Variants in BNC2 observed in about 807,000 individuals in gnomAD.
BNC2 encodes basonuclin zinc finger protein 2.
In BNC2, 20 loss-of-function variants were observed where a neutral mutation model predicts 76.3. That is an observed-to-expected ratio of 0.26 (90% CI 0.18 to 0.38). BNC2 has a LOEUF of 0.38. Among genes scored for constraint, BNC2 ranks in the 10% least tolerant of loss-of-function variants. The probability of loss-of-function intolerance (pLI) is 1.00; values close to 1 mark genes in which losing one functional copy is unlikely to be tolerated. For missense variants in BNC2, 1,382 were observed against 1,399.8 expected (o/e 0.99, Z 0.20); for synonymous variants, 582 against 514.8 (o/e 1.13, Z -1.77).
chr9:16,498,438 T>C (rs1822446236), intron 5 of BNC2, among the ~76,000 whole-genome samples: 2 of 150,932 alleles, frequency 1.3e-5, no homozygotes, highest in South Asian at 4.2e-4. Context: ...ACACCGTATG[T>C]ACTCACTGAT....
At chr9:16,442,704 C>A (rs1275782909) in intron 5 of BNC2, among the ~76,000 whole-genome samples, 1 of 152,112 alleles carries the variant, frequency 6.6e-6, no homozygotes, top group Non-Finnish European at 1.5e-5. Context: ...ACTCACATCA[C>A]AGCATACAGG....
At chr9:16,650,527 G>A (rs1021878385) in intron 3 of BNC2, among the ~76,000 whole-genome samples, 4 of 152,010 alleles carry the variant, frequency 2.6e-5, no homozygotes, top group African/African-American at 9.7e-5. Flanking sequence ...TGTTTTCACA[G>A]TAGAAAAGAT....
At chr9:16,479,413 C>G (rs1238653634) in intron 5 of BNC2, among the ~76,000 whole-genome samples, 2 of 152,082 alleles carry the variant, frequency 1.3e-5, no homozygotes, top group South Asian at 4.1e-4. Context: ...AATACAGCAC[C>G]TAGCAAAAGT....
intron 3 of BNC2, among the ~76,000 whole-genome samples, chr9:16,707,218 AACAGCAATAG>A (rs1301574985): frequency 3.3e-5 from 5 of 150,008 alleles, no homozygotes; most frequent in Admixed American, 2.0e-4. Flanking sequence ...AAAAAAAAAC[AACAGCAATAG>A]ACATTTGATT....
chr9:16,528,506 A>G (rs1817880040), intron 5 of BNC2, among the ~76,000 whole-genome samples: 1 of 152,220 alleles, frequency 6.6e-6, no homozygotes, highest in Non-Finnish European at 1.5e-5. Context: ...TTCTATAGTT[A>G]TCTACTTTGT....
intron 1 of BNC2, among the ~76,000 whole-genome samples, chr9:16,862,215 T>A (rs1445425570): frequency 6.6e-6 from 1 of 152,164 alleles, no homozygotes; most frequent in East Asian, 1.9e-4. Context: ...AACTTGTACA[T>A]GAATGTTCAG....
At chr9:16,614,153 T>C (rs1025989692) in intron 3 of BNC2, among the ~76,000 whole-genome samples, 1 of 152,208 alleles carries the variant, frequency 6.6e-6, no homozygotes, top group Non-Finnish European at 1.5e-5. Flanking sequence ...TAAATTTCAC[T>C]GTCACAAGCC....
chr9:16,718,601 T>C (rs758728411), intron 3 of BNC2, among the ~76,000 whole-genome samples: 1 of 152,176 alleles, frequency 6.6e-6, no homozygotes, highest in Non-Finnish European at 1.5e-5. Context: ...GTCTCCCACT[T>C]GCTGAAAATG....
rs1431384584 is a variant in BNC2, at chr9:16,419,713, A to G, written c.2640-64T>C. 6.2e-6 allele frequency: 6 copies of G among 970,650 alleles called. No individual in the cohort carries two copies. The East Asian group carries it at 1.8e-4, about 29-fold the overall frequency. 60.1% of individuals were successfully genotyped at this position (970,650 alleles called of 1,614,324 possible). ...GGGTGGGGAAAGGTGAGAAAAAGGA[A>G]AGCATTTTAAAATTGATTCAGCTTT... On this transcript the variant is annotated intron_variant, in intron 6 of 6. Transcript: ENST00000380672.
At chr9:16,616,534 A>C (rs901113702) in intron 3 of BNC2, among the ~76,000 whole-genome samples, 19 of 151,780 alleles carry the variant, frequency 1.3e-4, no homozygotes, top group Non-Finnish European at 2.5e-4. Flanking sequence ...CTGTCTCTAC[A>C]AAAAAAATTT....
At chr9:16,529,229 A>G (rs1159568618) in intron 5 of BNC2, among the ~76,000 whole-genome samples, 1 of 152,202 alleles carries the variant, frequency 6.6e-6, no homozygotes, top group Non-Finnish European at 1.5e-5. Flanking sequence ...TACCATTCAC[A>G]GGCTCCAGGG....
At chr9:16,661,645 C>T (rs78215507) in intron 3 of BNC2, among the ~76,000 whole-genome samples, 3,145 of 152,196 alleles carry the variant, frequency 0.021, 49 homozygotes, top group South Asian at 0.076. Flanking sequence ...CAGGCATGAA[C>T]ATCTAATGAT....
At chr9:16,857,480 T>TAAAAAAAAAAAAAAA (rs60082380) in intron 1 of BNC2, among the ~76,000 whole-genome samples, 1 of 75,690 alleles carries the variant, frequency 1.3e-5, no homozygotes, top group Non-Finnish European at 2.5e-5. Flanking sequence ...CTGTCTCAAA[T>TAAAAAAAAAAAAAAA]AAAAAAAAAA....
At chr9:16,705,981 T>C (rs566960697) in intron 3 of BNC2, among the ~76,000 whole-genome samples, 8 of 149,802 alleles carry the variant, frequency 5.3e-5, no homozygotes, top group Middle Eastern at 6.8e-3. Flanking sequence ...TACTGACTTA[T>C]TGCTTGTGCA....
chr9:16,681,891 G>A (rs1432628130), intron 3 of BNC2, among the ~76,000 whole-genome samples: 1 of 152,086 alleles, frequency 6.6e-6, no homozygotes, highest in Non-Finnish European at 1.5e-5. Context: ...AGACAGTAAC[G>A]TTTTGAACAG....
At chr9:16,574,707 T>G (rs1052265892) in intron 4 of BNC2, among the ~76,000 whole-genome samples, 2 of 152,154 alleles carry the variant, frequency 1.3e-5, no homozygotes, top group Non-Finnish European at 2.9e-5. Context: ...ATCATTAATA[T>G]TGATGTTTAA....
At chr9:16,481,683 T>G (rs1475565358) in intron 5 of BNC2, among the ~76,000 whole-genome samples, 1 of 152,212 alleles carries the variant, frequency 6.6e-6, no homozygotes, top group Non-Finnish European at 1.5e-5. Context: ...GAAGCAATGT[T>G]CAATTTCAAT....
chr9:16,590,583 G>A (rs1277898232), intron 3 of BNC2, among the ~76,000 whole-genome samples: 4 of 152,134 alleles, frequency 2.6e-5, no homozygotes, highest in African/African-American at 9.6e-5. Flanking sequence ...GGGAGGCCGA[G>A]GAGAGCACAT....
At chr9:16,457,752 G>T (rs1468740842) in intron 5 of BNC2, among the ~76,000 whole-genome samples, 1 of 152,188 alleles carries the variant, frequency 6.6e-6, no homozygotes, top group Non-Finnish European at 1.5e-5. Flanking sequence ...CTTTCATCAG[G>T]TGAGGAAATG....
Sources: gnomAD v4.1 joint callset for allele counts (sites outside exome capture counted in the v4.1 genomes callset) on GRCh38, gnomAD v4.1.1 for gene constraint, MANE v1.5 for transcripts, NCBI Gene and HGNC (gene_info 2026-07-23, HGNC 2026-07-21) for gene names.